The following CDH2 variants were observed in gnomAD, a reference collection of about 807,000 sequenced individuals.
CDH2 encodes the protein cadherin-2.
In CDH2, 17 loss-of-function variants were observed where a neutral mutation model predicts 92.0. That is an observed-to-expected ratio of 0.18 (90% CI 0.13 to 0.28). The LOEUF (loss-of-function observed/expected upper bound fraction) is 0.28. Among genes scored for constraint, CDH2 ranks in the 10% least tolerant of loss-of-function variants. CDH2 has a pLI of 1.00. For missense variants in CDH2, 862 were observed against 1,133.1 expected (o/e 0.76, Z 3.44); for synonymous variants, 419 against 415.9 (o/e 1.01, Z -0.09).
intron 1 of CDH2, among the ~76,000 whole-genome samples, chr18:28,151,338 T>C (rs2016118180): frequency 6.6e-6 from 1 of 152,226 alleles, no homozygotes; most frequent in African/African-American, 2.4e-5. Context: ...TGGCTACTAG[T>C]GGCTACTGGC....
At chr18:28,133,899 C>T (rs909273498) in intron 2 of CDH2, among the ~76,000 whole-genome samples, 3 of 152,098 alleles carry the variant, frequency 2.0e-5, no homozygotes, top group African/African-American at 7.2e-5. Context: ...TGGTTCACGT[C>T]TGTAATCCCA....
intron 9 of CDH2, among the ~76,000 whole-genome samples, chr18:27,990,831 A>T (rs1033426468): frequency 6.6e-6 from 1 of 152,194 alleles, no homozygotes; most frequent in African/African-American, 2.4e-5. Context: ...AATACAGCTA[A>T]ACTTATTTGA....
chr18:28,077,599 A>G (rs1412301913), intron 2 of CDH2, among the ~76,000 whole-genome samples: 1 of 152,166 alleles, frequency 6.6e-6, no homozygotes, highest in Admixed American at 6.5e-5. Context: ...AAAGAAAAAG[A>G]AATAGTGAGG....
intron 14 of CDH2, among the ~76,000 whole-genome samples, chr18:27,973,652 T>C (rs967427292): frequency 4.6e-5 from 7 of 152,302 alleles, no homozygotes; most frequent in Non-Finnish European, 1.0e-4. Flanking sequence ...ATTCTCTAAA[T>C]TCAAGTACCT....
intron 10 of CDH2, among the ~76,000 whole-genome samples, chr18:27,989,476 A>G (rs2012339888): frequency 6.6e-6 from 1 of 152,226 alleles, no homozygotes; most frequent in Non-Finnish European, 1.5e-5. Flanking sequence ...ATCTTTTAGC[A>G]GCAGTTCTGT....
At chr18:28,016,465 CT>C (rs34682239) in intron 2 of CDH2, among the ~76,000 whole-genome samples, 29,787 of 152,046 alleles carry the variant, frequency 0.2, 3,361 homozygotes, top group Non-Finnish European at 0.25. Context: ...AACCCAGGGA[CT>C]TCAAAAAATT....
intron 14 of CDH2, among the ~76,000 whole-genome samples, chr18:27,970,648 C>T (rs1194621995): frequency 6.6e-6 from 1 of 152,184 alleles, no homozygotes; most frequent in Non-Finnish European, 1.5e-5. Context: ...ACATAAACTT[C>T]CCATGCTAAC....
intron 2 of CDH2, among the ~76,000 whole-genome samples, chr18:28,102,914 T>C (rs761646791): frequency 1.6e-4 from 24 of 151,102 alleles, no homozygotes; most frequent in Non-Finnish European, 3.4e-4. Context: ...TTTCAGATTA[T>C]GAAAAAAAAA....
chr18:27,995,481 T>TTA (rs1424963492), intron 7 of CDH2, among the ~76,000 whole-genome samples: 7 of 152,086 alleles, frequency 4.6e-5, no homozygotes, highest in Non-Finnish European at 1.0e-4. Flanking sequence ...AAATAAAAAC[T>TTA]TTTATGACTT....
chr18:28,136,529 G>A (rs2015865394), intron 2 of CDH2, among the ~76,000 whole-genome samples: 1 of 151,944 alleles, frequency 6.6e-6, no homozygotes, highest in African/African-American at 2.4e-5. Context: ...AAACAAAAAT[G>A]TACTAATAAT....
chr18:27,937,864 T>G (rs1036760735), intron 6 of CDH2, among the ~76,000 whole-genome samples: 1 of 152,230 alleles, frequency 6.6e-6, no homozygotes, highest in Admixed American at 6.5e-5. Context: ...AGGCAAGTTT[T>G]TATTTAATTT....
At chr18:28,007,156 T>TAAAA (rs753614802) in intron 5 of CDH2, among the ~76,000 whole-genome samples, 1,311 of 106,536 alleles carry the variant, frequency 0.012, 54 homozygotes, top group African/African-American at 0.048. Flanking sequence ...TGAGACTCCA[T>TAAAA]AAAAAAAAAA....
intron 2 of CDH2, among the ~76,000 whole-genome samples, chr18:28,128,703 C>CT (rs1358774783): frequency 6.6e-6 from 1 of 151,368 alleles, no homozygotes; most frequent in Non-Finnish European, 1.5e-5. Context: ...AAAAAAAAGT[C>CT]TGACTATTCA....
chr18:27,957,192 T>C (rs1253277816), intron 15 of CDH2, among the ~76,000 whole-genome samples: 1 of 151,746 alleles, frequency 6.6e-6, no homozygotes, highest in Non-Finnish European at 1.5e-5. Context: ...CACAGATCTT[T>C]TTTCCCCAAC....
rs934977614 is a variant in CDH2, at chr18:27,970,236, C to T, written c.2350-6715G>A. 2.6e-5 allele frequency among the ~76,000 whole-genome samples: 4 copies of T among 152,052 alleles called. No individual in the cohort carries two copies. In the South Asian group the frequency reaches 8.3e-4, roughly 32 times the overall value. On this transcript the variant is annotated intron_variant, in intron 14 of 15. Coordinates refer to ENST00000269141, the MANE Select transcript of CDH2 (RefSeq NM_001792.5). The stretch of plus-strand genomic sequence containing the variant: ...TATAAAGAGAAACACATTTCTTAAC[C>T]CTTCCAAGCCACTGTCTGTCTTGGG...
chr18:28,021,871 T>C (rs2013418997), intron 2 of CDH2, among the ~76,000 whole-genome samples: 2 of 152,154 alleles, frequency 1.3e-5, no homozygotes, highest in Non-Finnish European at 2.9e-5. Flanking sequence ...TATCTTTGAC[T>C]TTTTATTTTT....
chr18:27,948,837 G>A (rs1463477445), downstream of CDH2, among the ~76,000 whole-genome samples: 1 of 151,872 alleles, frequency 6.6e-6, no homozygotes, highest in Non-Finnish European at 1.5e-5. Context: ...GTGTACATTG[G>A]CATAGTTTTT....
At position 28,116,747 on chromosome 18, in the gene CDH2, T is replaced by C. The variant is rs548863275; in HGVS notation, c.172+30926A>G. On this transcript the variant is annotated intron_variant, in intron 2 of 15. Transcript: ENST00000269141. ...TGTAATACAATGAATGCTCAAGGTC[T>C]GAGTGCCTCAAAGTGTGAACTCCTG... Among the ~76,000 whole-genome samples the C allele has an allele frequency of 1.6e-4, 25 of 152,282 alleles. 1 individual carries two copies. Among genetic ancestry groups the C allele is most frequent in the African/African-American group, 5.5e-4 (23 of 41,574 alleles).
chr18:27,981,484 T>C (rs2012052549), intron 14 of CDH2, among the ~76,000 whole-genome samples: 1 of 152,204 alleles, frequency 6.6e-6, no homozygotes, highest in East Asian at 1.9e-4. Context: ...TATGCATCTC[T>C]TCTAAATGAG....
Sources: gnomAD v4.1 joint callset for allele counts (sites outside exome capture counted in the v4.1 genomes callset) on GRCh38, gnomAD v4.1.1 for gene constraint, MANE v1.5 for transcripts, NCBI Gene and HGNC (gene_info 2026-07-23, HGNC 2026-07-21) for gene names.